Variants in GGT5 observed in about 807,000 individuals in gnomAD.
GGT5 encodes gamma-glutamyltransferase 5, also known as glutathione hydrolase 5 proenzyme.
Under a neutral mutation model 58.1 loss-of-function variants are expected in GGT5, and 50 were observed. The observed-to-expected ratio is 0.86, with a 90% CI of 0.69 to 1.09. The LOEUF (loss-of-function observed/expected upper bound fraction) is 1.09, where lower values mean the gene tolerates loss of function less well. Among genes scored for constraint, GGT5 ranks in the 50% least tolerant of loss-of-function variants. The probability of loss-of-function intolerance (pLI) is 0.00; values close to 1 mark genes in which losing one functional copy is unlikely to be tolerated. For missense variants in GGT5, 800 were observed against 789.4 expected (o/e 1.01, Z -0.16); for synonymous variants, 370 against 346.1 (o/e 1.07, Z -0.77).
chr22:24,243,704 A>AGCT (rs1170608406), intron 1 of GGT5: 1 of 152,376 alleles, frequency 6.6e-6, no homozygotes, highest in Non-Finnish European at 1.5e-5. Flanking sequence ...CAGCAGCAGC[A>AGCT]GCGGAGGCCT....
intron 1 of GGT5, among the ~76,000 whole-genome samples, chr22:24,237,323 G>GA (rs1329755861): frequency 1.3e-5 from 2 of 152,096 alleles, no homozygotes; most frequent in African/African-American, 4.8e-5. Flanking sequence ...AGGAGCACTG[G>GA]ATCCAGCTTC....
rs562277382 is a variant in GGT5, at chr22:24,235,441, G to A, written c.174-1437C>T. On this transcript the variant is annotated intron_variant, in intron 1 of 11. Transcript: ENST00000327365. ...GGACCTGGGTCCCTGCACCCACCCC[G>A]TGGGACCTCTGGCCCTAGCACCCTC... Among the ~76,000 whole-genome samples the A allele has an allele frequency of 9.2e-5, 14 of 152,146 alleles. No individual in the cohort carries two copies. In the South Asian group the frequency reaches 1.2e-3, roughly 14 times the overall value.
chr22:24,222,792 G>A (rs1405280482), intron 11 of GGT5, among the ~76,000 whole-genome samples: 2 of 152,184 alleles, frequency 1.3e-5, no homozygotes, highest in Admixed American at 1.3e-4. Context: ...AGAGTCAAGG[G>A]AGGGGCCGGG....
chr22:24,231,916 G>T (rs558408605), intron 5 of GGT5, 135 bp downstream of exon 5: 3 of 727,350 alleles, frequency 4.1e-6, no homozygotes, highest in African/African-American at 3.5e-5. Flanking sequence ...AGAGCTAGGT[G>T]CATGGCCTCT....
At position 24,219,791 on chromosome 22, in the gene GGT5, T is replaced by G. The variant is rs1569348550; in HGVS notation, c.*179A>C. The G allele has an allele frequency of 6.6e-6, 4 of 603,300 alleles. No homozygotes were observed. Among genetic ancestry groups the G allele is most frequent in the East Asian group, 2.9e-5 (1 of 34,894 alleles). The allele number at this position is 603,300 out of a possible 1,614,324, so 37.4% of individuals were successfully genotyped here. The stretch of plus-strand genomic sequence containing the variant: ...CCACCAGGGGCTCTGGGAAAGGGGG[T>G]TAGGGATGAGGCTCAGCCTCTCATC... On this transcript the variant is annotated 3_prime_UTR_variant, in exon 12 of 12. Coordinates refer to ENST00000327365, the MANE Select transcript of GGT5 (RefSeq NM_004121.5).
intron 1 of GGT5, chr22:24,244,275 C>G (rs190757174): frequency 2.2e-4 from 88 of 405,008 alleles, no homozygotes; most frequent in African/African-American, 1.6e-3. Context: ...ACGGCTCCTG[C>G]TTCCTGGGCC....
At chr22:24,232,730 T>C in intron 4 of GGT5, 93 bp downstream of exon 4, 1 of 855,332 alleles carries the variant, frequency 1.2e-6, no homozygotes, top group Non-Finnish European at 1.7e-6. Context: ...TCCTCCAGTG[T>C]AAGAGGGACT....
In GGT5 at chr22:24,226,277, T is replaced by C; in HGVS notation, c.1039-11A>G. 6.3e-7 allele frequency: 1 copy of C among 1,579,570 alleles called. No individual in the cohort carries two copies. Among genetic ancestry groups the C allele is most frequent in the Non-Finnish European group, 8.6e-7 (1 of 1,163,988 alleles). On this transcript the variant is annotated splice_polypyrimidine_tract_variant and intron_variant, in intron 7 of 11. Transcript: ENST00000327365. Reference sequence around the variant, plus strand: ...GTCCCGGGAGGCATTCTGGGGTGGGTGGGCAGGTGGCAGGGTCAGTGAGGG... The same window carrying C: ...GTCCCGGGAGGCATTCTGGGGTGGGCGGGCAGGTGGCAGGGTCAGTGAGGG...
At position 24,225,510 on chromosome 22, in the gene GGT5, C is replaced by A. The variant is rs752581530; in HGVS notation, c.1336+36G>T. The A allele has an allele frequency of 7.0e-6, 11 of 1,571,308 alleles. No homozygotes were observed. In the Admixed American group the frequency reaches 1.2e-4, roughly 17 times the overall value. On this transcript the variant is annotated intron_variant, in intron 9 of 11. Transcript: ENST00000327365. Reference sequence around the variant, plus strand: ...CTCCCTCCTCTCCCCTGGTGGGGGGCCCTTGTGGACCCCGGGTGGGAAGCT... The same window carrying A: ...CTCCCTCCTCTCCCCTGGTGGGGGGACCTTGTGGACCCCGGGTGGGAAGCT...
chr22:24,224,096 G>A (rs2047678065), intron 11 of GGT5, among the ~76,000 whole-genome samples: 1 of 151,982 alleles, frequency 6.6e-6, no homozygotes, highest in African/African-American at 2.4e-5. Flanking sequence ...CTAACAAAGG[G>A]CATCCATCAA....
intron 8 of GGT5, 89 bp from the exon 9 acceptor site, chr22:24,225,741 G>A (rs764492598): frequency 3.4e-4 from 276 of 803,806 alleles, no homozygotes; most frequent in Non-Finnish European, 5.0e-4. Flanking sequence ...GGACCCCCTC[G>A]TTTTACAGCT....
Position 24,224,990 on chromosome 22 carries a change from C to A in GGT5, c.1614+6G>T, listed in dbSNP as rs1374591176. On this transcript the variant is annotated splice_donor_region_variant and intron_variant, in intron 11 of 11. Transcript: ENST00000327365. ...CCTAGGCATCCAGCTCGGACCTCAG[C>A]CTCACCTGGCTGAAGTTGGGCTCGT... The A allele has an allele frequency of 6.4e-7, 1 of 1,568,594 alleles. No homozygotes were observed. The highest frequency in any genetic ancestry group is 8.7e-7 in the Non-Finnish European group (1 of 1,151,778).
intron 1 of GGT5, among the ~76,000 whole-genome samples, chr22:24,234,322 G>C (rs139174971): frequency 6.6e-6 from 1 of 152,294 alleles, no homozygotes; most frequent in Non-Finnish European, 1.5e-5. Context: ...GCAGAACGAG[G>C]CCTCGGCCAC....
At chr22:24,226,493 C>T (rs191794815) in intron 7 of GGT5, 138 bp downstream of exon 7, 10 of 944,184 alleles carry the variant, frequency 1.1e-5, no homozygotes, top group East Asian at 1.0e-4. Context: ...CCCCGGGATC[C>T]CTTTCAGTCC....
rs766415875 is a variant in GGT5 at position 24,220,078 on chromosome 22, C to G, written c.1653G>C (p.Gln551His). The G allele has an allele frequency of 1.9e-6, 3 of 1,614,186 alleles. No homozygotes were observed. Among genetic ancestry groups the G allele is most frequent in the Non-Finnish European group, 2.5e-6 (3 of 1,180,016 alleles). The change falls in exon 12 of 12, where the codon CAG (glutamine) becomes CAC (histidine). Residue 551 changes from glutamine to histidine, a missense_variant. Physicochemically the swap from Gln to His is conservative, Grantham distance 24. Coordinates refer to ENST00000327365, the MANE Select transcript of GGT5 (RefSeq NM_004121.5). The stretch of plus-strand genomic sequence containing the variant: ...CGTTCAGGAAGAAGGGCCTCTGGGT[C>G]TGGTTCTGGCCACGGTCTTGGAGTC... The part of the protein sequence containing the change: ...QRGLQDRGQN[Q>H]TQRPFFLNVV...
In GGT5 at chr22:24,244,892, A is replaced by C. The variant is rs567026372; in HGVS notation, c.-167T>G. On this transcript the variant is annotated 5_prime_UTR_variant, in exon 1 of 12. Coordinates refer to ENST00000327365, the MANE Select transcript of GGT5 (RefSeq NM_004121.5). ...GAAGATGGATCGACAGATAGGCCAGATAGCTAGACAAAGAGGACAGTAAGA... is the reference window on the plus strand; with the variant it reads ...GAAGATGGATCGACAGATAGGCCAGCTAGCTAGACAAAGAGGACAGTAAGA... 6.6e-5 allele frequency: 81 copies of C among 1,233,450 alleles called. No homozygotes were observed. The African/African-American group carries it at 1.1e-3, about 16-fold the overall frequency. The allele number at this position is 1,233,450 out of a possible 1,614,324, so 76.4% of individuals were successfully genotyped here. A position where few individuals can be genotyped will look rare whatever the true frequency, so the allele number is the denominator to read the frequency against.
chr22:24,243,136 G>T (rs558014797), intron 1 of GGT5: 1 of 152,208 alleles, frequency 6.6e-6, no homozygotes, highest in Non-Finnish European at 1.5e-5. Flanking sequence ...ACTCCCAAAG[G>T]CCACATGCCC....
intron 1 of GGT5, 96 bp from the exon 2 acceptor site, chr22:24,234,100 GGC>G (rs1398264143): frequency 7.9e-7 from 1 of 1,272,738 alleles, no homozygotes; most frequent in East Asian, 2.5e-5. Flanking sequence ...TGGTGACGGA[GGC>G]GGCACGTCGG....
At chr22:24,224,248 G>A (rs1054955017) in intron 11 of GGT5, among the ~76,000 whole-genome samples, 4 of 152,060 alleles carry the variant, frequency 2.6e-5, no homozygotes, top group East Asian at 2.0e-4. Flanking sequence ...GGTGGCTCAC[G>A]CCTATAATCC....
Sources: gnomAD v4.1 joint callset for allele counts (sites outside exome capture counted in the v4.1 genomes callset) on GRCh38, gnomAD v4.1.1 for gene constraint, MANE v1.5 for transcripts, NCBI Gene and HGNC (gene_info 2026-07-23, HGNC 2026-07-21) for gene names.